Variants in LINGO2 observed in about 807,000 individuals in gnomAD.
LINGO2 encodes the protein leucine-rich repeat and immunoglobulin-like domain-containing nogo receptor-interacting protein 2.
Under a neutral mutation model 30.6 loss-of-function variants are expected in LINGO2, and 14 were observed. That is an observed-to-expected ratio of 0.46 (90% CI 0.30 to 0.72). The LOEUF (loss-of-function observed/expected upper bound fraction) is 0.72. LINGO2 is among the 30% of genes least tolerant of loss of function. The pLI is 0.07. For synonymous variants in LINGO2, 317 were observed against 288.5 expected (o/e 1.10, Z -1.00); for missense variants, 729 against 751.7 (o/e 0.97, Z 0.35).
chr9:28,781,258 G>A, the LINGO2 span, among the ~76,000 whole-genome samples: 1 of 152,080 alleles, frequency 6.6e-6, no homozygotes, highest in African/African-American at 2.4e-5. Context: ...CTCAAATACA[G>A]GCAGTGCAGC....
chr9:29,148,270 T>C, the LINGO2 span, among the ~76,000 whole-genome samples: 9 of 152,290 alleles, frequency 5.9e-5, no homozygotes, highest in East Asian at 1.7e-3. Context: ...ATCCTTCCTA[T>C]AGGATATAAA....
intron 1 of LINGO2, among the ~76,000 whole-genome samples, chr9:28,488,992 T>A (rs1238885322): frequency 6.6e-6 from 1 of 152,226 alleles, no homozygotes; most frequent in Non-Finnish European, 1.5e-5. Flanking sequence ...AAATTATTTT[T>A]ATTTGTTTAG....
At chr9:28,876,922 G>A in the LINGO2 span, among the ~76,000 whole-genome samples, 4 of 152,056 alleles carry the variant, frequency 2.6e-5, no homozygotes, top group African/African-American at 9.7e-5. Flanking sequence ...GTTGTTTCCT[G>A]ACTTTTTAAT....
the LINGO2 span, among the ~76,000 whole-genome samples, chr9:29,051,574 G>C: frequency 6.6e-6 from 1 of 152,126 alleles, no homozygotes; most frequent in Admixed American, 6.6e-5. Flanking sequence ...CTAATGTCCA[G>C]ACTTTTCATA....
intron 5 of LINGO2, among the ~76,000 whole-genome samples, chr9:27,999,676 A>T (rs567878726): frequency 6.6e-6 from 1 of 152,246 alleles, no homozygotes; most frequent in East Asian, 1.9e-4. Flanking sequence ...AATATTAGTG[A>T]TATCCATTAT....
At chr9:28,560,883 C>T (rs1246917165) in intron 1 of LINGO2, among the ~76,000 whole-genome samples, 1 of 151,934 alleles carries the variant, frequency 6.6e-6, no homozygotes, top group Non-Finnish European at 1.5e-5. Flanking sequence ...CCAAGTTGCT[C>T]AGGCTGGTCT....
At chr9:28,918,836 C>G in the LINGO2 span, among the ~76,000 whole-genome samples, 1 of 151,926 alleles carries the variant, frequency 6.6e-6, no homozygotes, top group Non-Finnish European at 1.5e-5. Context: ...AACAACAAAA[C>G]TAAAACAACA....
the LINGO2 span, among the ~76,000 whole-genome samples, chr9:28,909,255 C>T: frequency 5.6e-3 from 845 of 151,818 alleles, 12 homozygotes; most frequent in African/African-American, 0.019. Context: ...TTGCATGTAT[C>T]ATTTATATAA....
the LINGO2 span, among the ~76,000 whole-genome samples, chr9:29,177,138 TA>T: frequency 1.3e-5 from 2 of 152,212 alleles, no homozygotes; most frequent in East Asian, 3.9e-4. Context: ...AAAAAGAAAA[TA>T]ACCTGTTTCT....
the LINGO2 span, among the ~76,000 whole-genome samples, chr9:29,008,391 G>T: frequency 6.6e-6 from 1 of 152,094 alleles, no homozygotes; most frequent in Non-Finnish European, 1.5e-5. Flanking sequence ...AAACATACAC[G>T]TGGATGTGTC....
At chr9:29,047,679 A>C in the LINGO2 span, among the ~76,000 whole-genome samples, 4 of 152,230 alleles carry the variant, frequency 2.6e-5, no homozygotes, top group Non-Finnish European at 4.4e-5. Flanking sequence ...AGAAGAAAAA[A>C]ATTATACTTG....
the LINGO2 span, among the ~76,000 whole-genome samples, chr9:28,678,523 T>G: frequency 3.5e-4 from 53 of 152,262 alleles, no homozygotes; most frequent in Middle Eastern, 6.8e-3. Flanking sequence ...CTTACTGAGT[T>G]TAAATCTTGA....
In LINGO2 at chr9:28,639,482, T is replaced by G. The variant is rs149134109; in HGVS notation, c.-365+30718A>C. ...GTCTCTTTGTAGGTCTCTAAGGACT[T>G]GCTTTATGAATCTGGGTGCTCCTGT... On this transcript the variant is annotated intron_variant, in intron 1 of 5. Transcript: ENST00000379992. Among the ~76,000 whole-genome samples the G allele has an allele frequency of 9.3e-3, 1,409 of 152,242 alleles. 28 individuals carry two copies. The highest frequency in any genetic ancestry group is 0.08 in the East Asian group (413 of 5,174).
chr9:28,613,889 T>G (rs1254516926), intron 1 of LINGO2, among the ~76,000 whole-genome samples: 1 of 152,216 alleles, frequency 6.6e-6, no homozygotes, highest in Non-Finnish European at 1.5e-5. Context: ...ATCCACAATT[T>G]GAATTGACAT....
the LINGO2 span, among the ~76,000 whole-genome samples, chr9:28,991,395 T>A: frequency 6.6e-6 from 1 of 151,438 alleles, no homozygotes; most frequent in Non-Finnish European, 1.5e-5. Flanking sequence ...CTGATTGGTG[T>A]ACCTGAAACT....
the LINGO2 span, among the ~76,000 whole-genome samples, chr9:29,152,505 G>A: frequency 6.6e-6 from 1 of 152,064 alleles, no homozygotes; most frequent in African/African-American, 2.4e-5. Flanking sequence ...TGTCCTCCTT[G>A]GATGCAACTG....
At chr9:28,079,665 C>A (rs959111528) in intron 4 of LINGO2, among the ~76,000 whole-genome samples, 2 of 152,178 alleles carry the variant, frequency 1.3e-5, no homozygotes, top group African/African-American at 4.8e-5. Context: ...GGAGGTTGAA[C>A]TGCCACAAGT....
At chr9:28,260,675 A>C (rs939024250) in intron 4 of LINGO2, among the ~76,000 whole-genome samples, 9 of 151,938 alleles carry the variant, frequency 5.9e-5, no homozygotes, top group African/African-American at 1.9e-4. Flanking sequence ...TATACCTAGA[A>C]TTATACCTAT....
intron 1 of LINGO2, among the ~76,000 whole-genome samples, chr9:28,604,727 G>C (rs1825629964): frequency 6.6e-6 from 1 of 151,788 alleles, no homozygotes; most frequent in African/African-American, 2.4e-5. Flanking sequence ...TAAAATCCTT[G>C]AATATATCTA....
Sources: gnomAD v4.1 joint callset for allele counts (sites outside exome capture counted in the v4.1 genomes callset) on GRCh38, gnomAD v4.1.1 for gene constraint, MANE v1.5 for transcripts, NCBI Gene and HGNC (gene_info 2026-07-23, HGNC 2026-07-21) for gene names.